The following ADAMTS17 variants were observed in gnomAD, a reference collection of about 807,000 sequenced individuals.
ADAMTS17 encodes ADAM metallopeptidase with thrombospondin type 1 motif 17, also known as A disintegrin and metalloproteinase with thrombospondin motifs 17.
ADAMTS17 carries 113 observed loss-of-function variants against 141.5 expected under a neutral mutation model. The ratio of observed to expected loss-of-function variants is 0.80; its 90% CI spans 0.69 to 0.93. The LOEUF is 0.93. Ranked by LOEUF, ADAMTS17 falls within the 40% of genes least tolerant of loss-of-function variation. ADAMTS17 has a pLI of 0.00. For synonymous variants in ADAMTS17, 768 were observed against 630.6 expected (o/e 1.22, Z -3.27); for missense variants, 1,659 against 1,517.9 (o/e 1.09, Z -1.54).
chr15:100,132,179 C>T lies in ADAMTS17; in HGVS notation c.1576-27G>A, dbSNP rs772491239. Reference sequence around the variant, plus strand: ...TGAAACACAGCGGGGAGGGTCGGGGCCCAGGCACTCAGCAGAGCTGCTCAC... The same window carrying T: ...TGAAACACAGCGGGGAGGGTCGGGGTCCAGGCACTCAGCAGAGCTGCTCAC... On this transcript the variant is annotated intron_variant, in intron 11 of 21. Coordinates refer to ENST00000268070, the MANE Select transcript of ADAMTS17 (RefSeq NM_139057.4). The T allele has an allele frequency of 5.0e-6, 8 of 1,609,774 alleles. No homozygotes were observed. In the South Asian group the frequency reaches 8.8e-5, roughly 18 times the overall value.
intron 20 of ADAMTS17, among the ~76,000 whole-genome samples, chr15:99,990,201 A>C (rs1006892746): frequency 6.6e-6 from 1 of 151,854 alleles, no homozygotes; most frequent in Non-Finnish European, 1.5e-5. Flanking sequence ...ACGCCCAGCT[A>C]TTTTTTTGAT....
intron 6 of ADAMTS17, among the ~76,000 whole-genome samples, chr15:100,258,767 T>C (rs527537077): frequency 6.6e-5 from 10 of 152,290 alleles, no homozygotes; most frequent in African/African-American, 2.2e-4. Flanking sequence ...GTTTGAGGTA[T>C]AGAAAAGAAG....
chr15:100,200,069 G>A (rs926878745), intron 7 of ADAMTS17, among the ~76,000 whole-genome samples: 2 of 152,246 alleles, frequency 1.3e-5, no homozygotes, highest in African/African-American at 4.8e-5. Flanking sequence ...AGCGCTGGGA[G>A]AGCCAGGGTC....
intron 9 of ADAMTS17, 59 bp from the exon 10 acceptor site, chr15:100,152,821 C>CTT (rs2039240196): frequency 6.6e-6 from 10 of 1,515,850 alleles, no homozygotes; most frequent in East Asian, 4.6e-5. Flanking sequence ...TTTTTGTTTT[C>CTT]TTTTTCTTTT....
chr15:100,022,807 T>C (rs1279433840), intron 18 of ADAMTS17, among the ~76,000 whole-genome samples: 1 of 152,288 alleles, frequency 6.6e-6, no homozygotes, highest in East Asian at 1.9e-4. Context: ...ATAATTTTAA[T>C]AGCTAATGAG....
At chr15:100,257,750 T>C (rs2043375055) in intron 6 of ADAMTS17, among the ~76,000 whole-genome samples, 1 of 152,254 alleles carries the variant, frequency 6.6e-6, no homozygotes, top group South Asian at 2.1e-4. Flanking sequence ...AATTTTTTTA[T>C]TGTGCTAATA....
At chr15:100,199,183 CTG>C in intron 8 of ADAMTS17, 133 bp downstream of exon 8, 1 of 815,514 alleles carries the variant, frequency 1.2e-6, no homozygotes. Flanking sequence ...CCCTAGTGTA[CTG>C]ACCTGGGTCC....
intron 7 of ADAMTS17, among the ~76,000 whole-genome samples, 158 bp downstream of exon 7, chr15:100,253,978 A>G (rs1419447479): frequency 6.6e-6 from 1 of 152,160 alleles, no homozygotes; most frequent in Admixed American, 6.5e-5. Context: ...CATTTCAGGA[A>G]AATAAAAAAA....
chr15:100,340,724 C>A (rs1465597743), intron 2 of ADAMTS17, among the ~76,000 whole-genome samples: 1 of 152,192 alleles, frequency 6.6e-6, no homozygotes, highest in Non-Finnish European at 1.5e-5. Flanking sequence ...CTGTCCAGGG[C>A]CCTGACAGTT....
chr15:100,073,238 G>A (rs1029195004), intron 15 of ADAMTS17, among the ~76,000 whole-genome samples: 2 of 152,118 alleles, frequency 1.3e-5, no homozygotes, highest in African/African-American at 4.8e-5. Flanking sequence ...AGTTAGAATG[G>A]CAATCATTAA....
chr15:100,135,936 T>G (rs987144801), intron 10 of ADAMTS17, among the ~76,000 whole-genome samples: 1 of 152,210 alleles, frequency 6.6e-6, no homozygotes, highest in African/African-American at 2.4e-5. Flanking sequence ...CACCGCTCAT[T>G]GGGAACAATG....
rs550819652 is a variant in ADAMTS17 at position 100,233,747 on chromosome 15, C to T, written c.1075+20389G>A. ...CAGAGACCTAACGGTGGGAAGAGAG[C>T]GAGTTATGGAGATGTCAGGGGGAGA... is the stretch of plus-strand genomic sequence containing the variant. On this transcript the variant is annotated intron_variant, in intron 7 of 21. Coordinates refer to ENST00000268070, the MANE Select transcript of ADAMTS17 (RefSeq NM_139057.4). 9.9e-5 allele frequency among the ~76,000 whole-genome samples: 15 copies of T among 152,028 alleles called. No individual in the cohort carries two copies. The South Asian group carries it at 2.9e-3, about 30-fold the overall frequency.
At chr15:100,124,714 A>G (rs1274801086) in intron 12 of ADAMTS17, among the ~76,000 whole-genome samples, 2 of 151,978 alleles carry the variant, frequency 1.3e-5, no homozygotes, top group Non-Finnish European at 2.9e-5. Context: ...TTCTACCTTC[A>G]TAAGTTTGTT....
intron 2 of ADAMTS17, among the ~76,000 whole-genome samples, chr15:100,334,457 C>A (rs184725117): frequency 6.6e-6 from 1 of 152,108 alleles, no homozygotes; most frequent in Non-Finnish European, 1.5e-5. Flanking sequence ...ATAGGGCCAA[C>A]GGGGTGGTGA....
chr15:100,056,297 G>C (rs891005812), intron 15 of ADAMTS17, among the ~76,000 whole-genome samples: 3 of 152,178 alleles, frequency 2.0e-5, no homozygotes, highest in Non-Finnish European at 2.9e-5. Flanking sequence ...TTTGGTTTTA[G>C]GATCCAGTGT....
At chr15:100,174,986 G>C (rs932576356) in intron 8 of ADAMTS17, among the ~76,000 whole-genome samples, 5 of 152,146 alleles carry the variant, frequency 3.3e-5, no homozygotes, top group African/African-American at 1.2e-4. Flanking sequence ...ATGCCTCCCA[G>C]AATATGCAGC....
At chr15:100,040,352 A>G (rs909362122) in intron 18 of ADAMTS17, among the ~76,000 whole-genome samples, 1 of 152,122 alleles carries the variant, frequency 6.6e-6, no homozygotes, top group African/African-American at 2.4e-5. Context: ...GCTTCCCTTC[A>G]TTTCTGAGAG....
intron 18 of ADAMTS17, among the ~76,000 whole-genome samples, chr15:100,027,487 A>G (rs2061536816): frequency 6.6e-6 from 1 of 152,236 alleles, no homozygotes; most frequent in Admixed American, 6.5e-5. Flanking sequence ...GGGATTGACA[A>G]ACTATGGCCT....
chr15:100,024,352 T>C (rs2061466538), intron 18 of ADAMTS17, among the ~76,000 whole-genome samples: 1 of 152,230 alleles, frequency 6.6e-6, no homozygotes, highest in Non-Finnish European at 1.5e-5. Context: ...CACCTTGGCC[T>C]CCCAAAGTGC....
Sources: allele counts gnomAD v4.1 joint callset (sites outside exome capture counted in the v4.1 genomes callset), GRCh38; gene constraint gnomAD v4.1.1; transcripts MANE v1.5; gene names NCBI Gene and HGNC (gene_info 2026-07-23, HGNC 2026-07-21).